SYN3: variants seen among roughly 807,000 people sequenced by gnomAD.
SYN3 encodes the protein synapsin III, also known as synapsin-3.
In SYN3, 35 loss-of-function variants were observed where a neutral mutation model predicts 65.8. That is an observed-to-expected ratio of 0.53 (90% CI 0.41 to 0.70). The LOEUF (loss-of-function observed/expected upper bound fraction) is 0.70. SYN3 is among the 30% of genes least tolerant of loss of function. The pLI is 0.00. For synonymous variants in SYN3, 270 were observed against 292.9 expected, an observed-to-expected ratio of 0.92 and a Z score of 0.80; for missense variants, 680 against 749.0, an observed-to-expected ratio of 0.91 and a Z score of 1.08.
chr22:32,960,914 T>C (rs2051628431), intron 3 of SYN3, among the ~76,000 whole-genome samples: 2 of 152,186 alleles, frequency 1.3e-5, no homozygotes, highest in Non-Finnish European at 2.9e-5. Context: ...ATCCTGAGGC[T>C]GCTAACAGGA....
At chr22:32,607,942 C>T (rs912056167) in intron 6 of SYN3, among the ~76,000 whole-genome samples, 8 of 152,196 alleles carry the variant, frequency 5.3e-5, no homozygotes, top group African/African-American at 1.9e-4. Flanking sequence ...CATGGATACA[C>T]GCAGCTGCGG....
chr22:32,989,697 T>C (rs1421742311), intron 2 of SYN3, among the ~76,000 whole-genome samples: 2 of 148,862 alleles, frequency 1.3e-5, no homozygotes, highest in Non-Finnish European at 3.0e-5. Flanking sequence ...TAGCCGGGCA[T>C]GGTGGCATGC....
chr22:32,669,385 C>T (rs1836183826), intron 6 of SYN3, among the ~76,000 whole-genome samples: 1 of 152,168 alleles, frequency 6.6e-6, no homozygotes, highest in African/African-American at 2.4e-5. Context: ...TGGTCTGTTC[C>T]TGAATTCTCC....
chr22:32,745,323 C>G (rs1229304340), intron 6 of SYN3, among the ~76,000 whole-genome samples: 1 of 152,236 alleles, frequency 6.6e-6, no homozygotes, highest in African/African-American at 2.4e-5. Flanking sequence ...GCCTGTCTTT[C>G]CTGCCAGCTG....
intron 1 of SYN3, among the ~76,000 whole-genome samples, chr22:33,048,540 A>G (rs1213420018): frequency 1.3e-5 from 2 of 152,128 alleles, no homozygotes; most frequent in African/African-American, 4.8e-5. Flanking sequence ...TTCTTGCCCT[A>G]TTAGTTCACA....
intron 7 of SYN3, among the ~76,000 whole-genome samples, chr22:32,589,816 C>T (rs1466801839): frequency 1.3e-5 from 2 of 152,174 alleles, no homozygotes; most frequent in South Asian, 2.1e-4. Context: ...CCATCCACTA[C>T]TTGGTTCATT....
chr22:32,942,929 A>G (rs1475055229), intron 3 of SYN3, among the ~76,000 whole-genome samples: 1 of 152,258 alleles, frequency 6.6e-6, no homozygotes, highest in Non-Finnish European at 1.5e-5. Flanking sequence ...AAAGCCTCCA[A>G]GAAATATGGG....
intron 7 of SYN3, among the ~76,000 whole-genome samples, chr22:32,542,327 A>G (rs1389631413): frequency 6.6e-6 from 1 of 152,090 alleles, no homozygotes; most frequent in Admixed American, 6.5e-5. Context: ...GTGTATGTGT[A>G]GGGAGCATGC....
intron 6 of SYN3, among the ~76,000 whole-genome samples, chr22:32,704,719 T>A (rs1291533415): frequency 6.6e-6 from 1 of 152,198 alleles, no homozygotes; most frequent in East Asian, 1.9e-4. Flanking sequence ...CTCACCAGCA[T>A]CTGTTACTTT....
chr22:32,704,882 C>T (rs1601945885), intron 6 of SYN3, among the ~76,000 whole-genome samples: 1 of 152,252 alleles, frequency 6.6e-6, no homozygotes, highest in East Asian at 1.9e-4. Context: ...CTGCTCATGT[C>T]CTTTGCCCAC....
At chr22:32,631,023 G>C (rs1030798117) in intron 6 of SYN3, among the ~76,000 whole-genome samples, 13 of 152,204 alleles carry the variant, frequency 8.5e-5, no homozygotes, top group African/African-American at 2.7e-4. Context: ...GCCGGGTGTG[G>C]TGGCTCACGC....
intron 7 of SYN3, among the ~76,000 whole-genome samples, chr22:32,557,544 TCAAA>T (rs2058521741): frequency 6.6e-6 from 1 of 152,230 alleles, no homozygotes; most frequent in African/African-American, 2.4e-5. Flanking sequence ...CAGTTAATCT[TCAAA>T]ACAACTGGAT....
intron 6 of SYN3, among the ~76,000 whole-genome samples, chr22:32,727,516 T>C (rs994382657): frequency 7.2e-5 from 11 of 152,234 alleles, no homozygotes; most frequent in African/African-American, 2.7e-4. Flanking sequence ...CACCCAGTAA[T>C]GGGGTTGCTG....
chr22:32,763,477 T>C (rs745881193), intron 6 of SYN3, among the ~76,000 whole-genome samples: 12 of 152,226 alleles, frequency 7.9e-5, no homozygotes, highest in Non-Finnish European at 1.5e-4. Flanking sequence ...AGAGTACTTC[T>C]TGATGAAGTT....
intron 3 of SYN3, among the ~76,000 whole-genome samples, chr22:32,968,743 T>C (rs1037478048): frequency 2.0e-5 from 3 of 152,142 alleles, no homozygotes; most frequent in African/African-American, 7.2e-5. Context: ...CTCTGTGAGG[T>C]CTTTCCTGAG....
At chr22:33,012,221 T>A (rs1429753746) in intron 1 of SYN3, among the ~76,000 whole-genome samples, 1 of 152,242 alleles carries the variant, frequency 6.6e-6, no homozygotes, top group Non-Finnish European at 1.5e-5. Flanking sequence ...ATTTTCATTA[T>A]CATTCATTTT....
intron 2 of SYN3, among the ~76,000 whole-genome samples, chr22:33,005,578 AC>A (rs937143858): frequency 1.3e-5 from 2 of 152,194 alleles, no homozygotes; most frequent in Admixed American, 6.5e-5. Context: ...TGATCTTGAC[AC>A]AGGTATCAGG....
intron 7 of SYN3, among the ~76,000 whole-genome samples, chr22:32,572,629 C>A (rs971200562): frequency 1.3e-5 from 2 of 150,932 alleles, no homozygotes; most frequent in Non-Finnish European, 2.9e-5. Flanking sequence ...GTCACCCAGG[C>A]TGGAGTACAA....
intron 7 of SYN3, among the ~76,000 whole-genome samples, chr22:32,545,139 T>C (rs2058318162): frequency 6.6e-6 from 1 of 151,886 alleles, no homozygotes; most frequent in Non-Finnish European, 1.5e-5. Flanking sequence ...CTGGCTGGAG[T>C]GTGGACCATC....
Sources: gnomAD v4.1 joint callset for allele counts (sites outside exome capture counted in the v4.1 genomes callset) on GRCh38, gnomAD v4.1.1 for gene constraint, MANE v1.5 for transcripts, NCBI Gene and HGNC (gene_info 2026-07-23, HGNC 2026-07-21) for gene names.